The following FBXL13 variants were observed in gnomAD, a reference collection of about 807,000 sequenced individuals.
The protein encoded by FBXL13 is F-box and leucine rich repeat protein 13.
FBXL13 carries 67 observed loss-of-function variants against 83.6 expected under a neutral mutation model. That is an observed-to-expected ratio of 0.80 (90% CI 0.66 to 0.98). The LOEUF is 0.98. FBXL13 is among the 50% of genes least tolerant of loss of function. The probability of loss-of-function intolerance (pLI) is 0.00; values close to 1 mark genes in which losing one functional copy is unlikely to be tolerated. For missense variants in FBXL13, 822 were observed against 866.5 expected (o/e 0.95, Z 0.64); for synonymous variants, 272 against 299.5 (o/e 0.91, Z 0.95).
chr7:103,008,258 A>T (rs1165418232), intron 6 of FBXL13, among the ~76,000 whole-genome samples: 1 of 152,236 alleles, frequency 6.6e-6, no homozygotes, highest in African/African-American at 2.4e-5. Flanking sequence ...TTGAGGAACT[A>T]TTCCAAACTG....
chr7:102,824,921 G>A (rs1400692880), intron 18 of FBXL13, among the ~76,000 whole-genome samples: 1 of 150,972 alleles, frequency 6.6e-6, no homozygotes. Flanking sequence ...ACCAAACCTC[G>A]CTTTCATCTT....
chr7:102,895,392 G>C (rs529960573), intron 11 of FBXL13, among the ~76,000 whole-genome samples: 2 of 152,184 alleles, frequency 1.3e-5, no homozygotes, highest in South Asian at 2.1e-4. Context: ...AAACCCCTAT[G>C]GCAAGCTCCC....
chr7:103,012,454 C>G (rs1249878082), intron 6 of FBXL13, among the ~76,000 whole-genome samples: 1 of 151,776 alleles, frequency 6.6e-6, no homozygotes, highest in Non-Finnish European at 1.5e-5. Flanking sequence ...TAACAGCAGA[C>G]CTGTCGGCAG....
At chr7:103,014,091 G>C (rs1791968921) in intron 6 of FBXL13, among the ~76,000 whole-genome samples, 1 of 152,194 alleles carries the variant, frequency 6.6e-6, no homozygotes, top group African/African-American at 2.4e-5. Context: ...ACGAGGAAGA[G>C]ATTAAATCCC....
chr7:102,826,769 A>ATATATG lies in FBXL13; in HGVS notation c.1855-4567_1855-4566insCATATA, dbSNP rs1414065543. Among the ~76,000 whole-genome samples, 561 of 100,680 alleles carry ATATATG rather than the reference A, an allele frequency of 5.6e-3. 39 individuals are homozygous for ATATATG. The highest frequency in any genetic ancestry group is 0.016 in the Middle Eastern group (3 of 192). 66.0% of individuals were successfully genotyped at this position (100,680 alleles called of 152,430 possible). The stretch of plus-strand genomic sequence containing the variant: ...TATATATATATATATATATATATAT[A>ATATATG]TATGTATATATATCTCTAATATATT... On this transcript the variant is annotated intron_variant, in intron 18 of 19. Coordinates refer to ENST00000313221, the Ensembl canonical transcript of FBXL13.
chr7:102,869,838 G>A (rs1057037076), intron 16 of FBXL13, among the ~76,000 whole-genome samples: 25 of 152,152 alleles, frequency 1.6e-4, no homozygotes, highest in African/African-American at 5.6e-4. Flanking sequence ...TGGTCTGTGT[G>A]TCTGTTTTTT....
chr7:103,062,593 G>C (rs1218304758), intron 1 of FBXL13, among the ~76,000 whole-genome samples: 3 of 149,388 alleles, frequency 2.0e-5, no homozygotes, highest in African/African-American at 7.4e-5. Flanking sequence ...CTATCTTCAG[G>C]TGACTTAAAA....
chr7:102,931,905 A>G (rs777586197), exon 9 of FBXL13: 1 of 1,613,662 alleles, frequency 6.2e-7, no homozygotes, highest in African/African-American at 1.3e-5. Flanking sequence ...AGTCAGAGAC[A>G]TTCAACTCTT....
rs114555143 is a variant in FBXL13 at position 102,983,065 on chromosome 7, C to T, written c.496-14948G>A. Reference sequence around the variant, plus strand: ...GTGTAGTGCACTTTCTCATGGGTCACATTTTGTCCCACACCTTCAAAGGCC... The same window carrying T: ...GTGTAGTGCACTTTCTCATGGGTCATATTTTGTCCCACACCTTCAAAGGCC... On this transcript the variant is annotated intron_variant, in intron 6 of 19. Coordinates refer to ENST00000313221, the Ensembl canonical transcript of FBXL13. Among the ~76,000 whole-genome samples the T allele has an allele frequency of 4.8e-3, 731 of 152,178 alleles. 7 individuals are homozygous for T. The highest frequency in any genetic ancestry group is 0.017 in the African/African-American group (691 of 41,500).
At chr7:102,850,894 A>G (rs1805101214) in intron 17 of FBXL13, among the ~76,000 whole-genome samples, 1 of 152,202 alleles carries the variant, frequency 6.6e-6, no homozygotes, top group Non-Finnish European at 1.5e-5. Flanking sequence ...TCCTTAAAGC[A>G]GATTCCCTTA....
intron 8 of FBXL13, among the ~76,000 whole-genome samples, chr7:102,938,418 C>A (rs529816311): frequency 1.3e-5 from 2 of 152,284 alleles, no homozygotes; most frequent in East Asian, 3.9e-4. Flanking sequence ...CAGAGTAGTT[C>A]TGAGGTTGCT....
upstream of FBXL13, chr7:103,074,713 T>C: frequency 7.8e-7 from 1 of 1,289,832 alleles, no homozygotes; most frequent in Non-Finnish European, 1.0e-6. Context: ...ACCTGAGGAA[T>C]GTAGTTCTCC....
intron 6 of FBXL13, among the ~76,000 whole-genome samples, chr7:103,000,114 T>A (rs909866800): frequency 3.3e-5 from 5 of 152,186 alleles, no homozygotes; most frequent in Non-Finnish European, 5.9e-5. Context: ...TTCATTTTTT[T>A]AACTTAAGAT....
intron 2 of FBXL13, among the ~76,000 whole-genome samples, chr7:103,046,587 T>C (rs1796304292): frequency 2.0e-5 from 3 of 152,212 alleles, no homozygotes; most frequent in Admixed American, 2.0e-4. Context: ...TATTCATGTA[T>C]AAGGCTGGTG....
chr7:103,006,701 T>C (rs1392279213), intron 6 of FBXL13, among the ~76,000 whole-genome samples: 1 of 151,932 alleles, frequency 6.6e-6, no homozygotes, highest in Non-Finnish European at 1.5e-5. Context: ...ATCCAACATA[T>C]AATAAAAAAT....
At chr7:102,902,279 T>C (rs1478261795) in intron 11 of FBXL13, among the ~76,000 whole-genome samples, 2 of 152,188 alleles carry the variant, frequency 1.3e-5, no homozygotes, top group East Asian at 3.8e-4. Context: ...TTGATAGAAC[T>C]ATTAGAATTT....
downstream of FBXL13, among the ~76,000 whole-genome samples, chr7:102,812,197 A>G (rs920823635): frequency 7.9e-5 from 12 of 152,336 alleles, no homozygotes; most frequent in African/African-American, 2.9e-4. Flanking sequence ...GTGTTACATA[A>G]TATCAAATAA....
rs1271399456 is a variant in FBXL13, at chr7:103,054,860, A to G, written c.-1+784T>C. Among the ~76,000 whole-genome samples, 5 of 152,212 alleles carry G rather than the reference A, an allele frequency of 3.3e-5. No individual in the cohort carries two copies. In the East Asian group the frequency reaches 9.6e-4, roughly 29 times the overall value. ...AAACTTAATGGAAAGATTTTATAAG[A>G]GAAGGAACAAATGCCTTTGTAAATA... On this transcript the variant is annotated intron_variant, in intron 2 of 19. Transcript: ENST00000313221.
chr7:102,890,008 G>T (rs1161608647), intron 11 of FBXL13, among the ~76,000 whole-genome samples: 2 of 151,852 alleles, frequency 1.3e-5, no homozygotes, highest in African/African-American at 2.4e-5. Context: ...AGTGGGGGGT[G>T]GGGGGTAGGG....
Sources: gnomAD v4.1 joint callset for allele counts (sites outside exome capture counted in the v4.1 genomes callset) on GRCh38, gnomAD v4.1.1 for gene constraint, MANE v1.5 for transcripts, NCBI Gene and HGNC (gene_info 2026-07-23, HGNC 2026-07-21) for gene names.